STAG1: variants seen among roughly 807,000 people sequenced by gnomAD.
STAG1 encodes STAG1 cohesin complex component, also known as cohesin subunit SA-1.
STAG1 carries 26 observed loss-of-function variants against 170.9 expected under a neutral mutation model. The ratio of observed to expected loss-of-function variants is 0.15; its 90% confidence interval spans 0.11 to 0.21. The LOEUF (loss-of-function observed/expected upper bound fraction) is 0.21. Ranked by LOEUF, STAG1 falls within the 10% of genes least tolerant of loss-of-function variation. STAG1 has a pLI of 1.00. For synonymous variants in STAG1, 514 were observed against 497.7 expected (o/e 1.03, Z -0.44); for missense variants, 964 against 1,509.5 (o/e 0.64, Z 5.99).
chr3:136,431,135 C>T lies in STAG1; in HGVS notation c.1650+2421G>A, dbSNP rs371632515. 2.2e-4 allele frequency among the ~76,000 whole-genome samples: 34 copies of T among 152,084 alleles called. No homozygotes were observed. In the East Asian group the frequency reaches 6.4e-3, roughly 29 times the overall value. On this transcript the variant is annotated intron_variant, in intron 16 of 33. Transcript: ENST00000383202. ...GCCAGGCTGGTCTTGAACTCCTGAC[C>T]TTAGGTAATCCACCTGCCTTGGCCT...
At chr3:136,714,965 T>TATATATATATATATATATTATATATATA (rs1559967677) in intron 1 of STAG1, among the ~76,000 whole-genome samples, 1 of 62,306 alleles carries the variant, frequency 1.6e-5, no homozygotes, top group African/African-American at 4.8e-5. Context: ...ATATATATAT[T>TATATATATATATATATATTATATATATA]TTATATATAT....
chr3:136,749,595 A>G (rs1040913555), intron 1 of STAG1, among the ~76,000 whole-genome samples: 1 of 151,926 alleles, frequency 6.6e-6, no homozygotes, highest in Non-Finnish European at 1.5e-5. Context: ...AAAATATAAA[A>G]ATTAGGTGGG....
At chr3:136,377,542 C>G in intron 23 of STAG1, 118 bp downstream of exon 23, 1 of 712,182 alleles carries the variant, frequency 1.4e-6, no homozygotes, top group Non-Finnish European at 2.4e-6. Flanking sequence ...GTTCCAGGTC[C>G]AGTAAATGTT....
chr3:136,732,238 A>T (rs913548439), intron 1 of STAG1, among the ~76,000 whole-genome samples: 7 of 61,486 alleles, frequency 1.1e-4, no homozygotes, highest in East Asian at 7.2e-4. Context: ...ATCCACAACT[A>T]AAAAAAAAAA....
chr3:136,495,097 G>T (rs1933010579), intron 9 of STAG1, among the ~76,000 whole-genome samples: 1 of 152,158 alleles, frequency 6.6e-6, no homozygotes, highest in South Asian at 2.1e-4. Context: ...AATGCAGGTG[G>T]TATCAGTGTA....
intron 6 of STAG1, among the ~76,000 whole-genome samples, chr3:136,537,924 C>A (rs1329543014): frequency 6.6e-6 from 1 of 152,146 alleles, no homozygotes; most frequent in Non-Finnish European, 1.5e-5. Context: ...CACTGTCACT[C>A]CTTGCACGCA....
chr3:136,453,960 A>T (rs555381205), intron 13 of STAG1, among the ~76,000 whole-genome samples: 9 of 152,034 alleles, frequency 5.9e-5, no homozygotes, highest in Non-Finnish European at 1.3e-4. Context: ...ATATTAGGGG[A>T]CTAGAGAACT....
chr3:136,677,009 T>C (rs1326182595), intron 1 of STAG1, among the ~76,000 whole-genome samples: 6 of 152,114 alleles, frequency 3.9e-5, no homozygotes, highest in Non-Finnish European at 5.9e-5. Context: ...GTAACACCCA[T>C]GAAGCTGTCA....
chr3:136,426,605 T>C (rs1227558898), intron 16 of STAG1, among the ~76,000 whole-genome samples: 1 of 152,154 alleles, frequency 6.6e-6, no homozygotes, highest in East Asian at 1.9e-4. Flanking sequence ...TTACAGATTG[T>C]ACATGGCACC....
At chr3:136,660,821 T>C (rs1254097790) in intron 1 of STAG1, among the ~76,000 whole-genome samples, 4 of 151,868 alleles carry the variant, frequency 2.6e-5, no homozygotes, top group African/African-American at 7.3e-5. Flanking sequence ...AATAAAAAAT[T>C]AGCCAGGTAT....
At chr3:136,383,873 T>C (rs769895215) in intron 22 of STAG1, among the ~76,000 whole-genome samples, 2 of 146,668 alleles carry the variant, frequency 1.4e-5, no homozygotes. Flanking sequence ...GAGAATGGCA[T>C]GAACCTAGGA....
chr3:136,439,912 C>G (rs2088581148), intron 15 of STAG1, among the ~76,000 whole-genome samples: 1 of 152,128 alleles, frequency 6.6e-6, no homozygotes, highest in South Asian at 2.1e-4. Context: ...CCAAGCCAAG[C>G]CAAACCAACC....
intron 5 of STAG1, among the ~76,000 whole-genome samples, chr3:136,544,920 T>C (rs1936086955): frequency 6.6e-6 from 1 of 152,208 alleles, no homozygotes; most frequent in African/African-American, 2.4e-5. Flanking sequence ...CATGTATAAA[T>C]CATTTTAAAG....
rs117665584 is a variant in STAG1, at chr3:136,652,984, A to G, written c.-83-22003T>C. On this transcript the variant is annotated intron_variant, in intron 1 of 33. Transcript: ENST00000383202. ...GGGTGGGAGACACTGCCCCTAGTTAAGAACTAGCAGCCGGGCACAGTGGTT... is the reference window on the plus strand; with the variant it reads ...GGGTGGGAGACACTGCCCCTAGTTAGGAACTAGCAGCCGGGCACAGTGGTT... Among the ~76,000 whole-genome samples the G allele has an allele frequency of 1.2e-3, 176 of 152,266 alleles. 7 individuals carry two copies. In the East Asian group the frequency reaches 0.028, roughly 24 times the overall value.
intron 3 of STAG1, 41 bp from the exon 4 acceptor site, chr3:136,604,514 A>G: frequency 2.0e-6 from 3 of 1,532,820 alleles, no homozygotes; most frequent in Non-Finnish European, 1.8e-6. Context: ...GATTAGGTTT[A>G]CTTTGCTTTA....
In STAG1 at chr3:136,410,981, G is replaced by T. The variant is rs866866740; in HGVS notation, c.2196+6904C>A. ...GAAGCATGAGAATTGTTTGAACCCAGGAGGTGGAGGTTGCAGTGAGCTGAG... is the reference window on the plus strand; with the variant it reads ...GAAGCATGAGAATTGTTTGAACCCATGAGGTGGAGGTTGCAGTGAGCTGAG... On this transcript the variant is annotated intron_variant, in intron 21 of 33. Transcript: ENST00000383202. Among the ~76,000 whole-genome samples, 3 of 152,230 alleles carry T rather than the reference G, an allele frequency of 2.0e-5. No homozygotes were observed. In the South Asian group the frequency reaches 6.2e-4, roughly 31 times the overall value.
At chr3:136,659,135 G>A (rs1941490495) in intron 1 of STAG1, among the ~76,000 whole-genome samples, 1 of 152,138 alleles carries the variant, frequency 6.6e-6, no homozygotes, top group Admixed American at 6.6e-5. Context: ...AGAGAATAGA[G>A]CACAGAACGC....
At chr3:136,737,817 C>T (rs1006364951) in intron 1 of STAG1, among the ~76,000 whole-genome samples, 2 of 152,132 alleles carry the variant, frequency 1.3e-5, no homozygotes, top group Non-Finnish European at 2.9e-5. Context: ...CGCCTGTAAT[C>T]CCAACACTTT....
rs144810561 is a variant in STAG1 at position 136,428,349 on chromosome 3, C to T, written c.1650+5207G>A. ...CCTTTTCTGGATTGGTTTACACTGA[C>T]GCTGTAAAGTCCCTGAAGCCAGGAA... On this transcript the variant is annotated intron_variant, in intron 16 of 33. Coordinates refer to ENST00000383202, the MANE Select transcript of STAG1 (RefSeq NM_005862.3). Among the ~76,000 whole-genome samples, 120 of 152,282 alleles carry T rather than the reference C, an allele frequency of 7.9e-4. No homozygotes were observed. In the East Asian group the frequency reaches 0.019, roughly 24 times the overall value.
Sources: allele counts gnomAD v4.1 joint callset (sites outside exome capture counted in the v4.1 genomes callset), GRCh38; gene constraint gnomAD v4.1.1; transcripts MANE v1.5; gene names NCBI Gene and HGNC (gene_info 2026-07-23, HGNC 2026-07-21).